Variants in FLT1 observed in about 807,000 individuals in gnomAD.
FLT1 encodes fms related receptor tyrosine kinase 1, also known as vascular endothelial growth factor receptor 1.
FLT1 carries 49 observed loss-of-function variants against 156.3 expected under a neutral mutation model. That is an observed-to-expected ratio of 0.31 (90% CI 0.25 to 0.40). FLT1 has a LOEUF of 0.40. FLT1 is among the 10% of genes least tolerant of loss of function. FLT1 has a pLI of 1.00. For synonymous variants in FLT1, 594 were observed against 583.8 expected, an observed-to-expected ratio of 1.02 and a Z score of -0.25; for missense variants, 1,322 against 1,637.2, an observed-to-expected ratio of 0.81 and a Z score of 3.32.
At chr13:28,463,883 C>A (rs1159933708) in intron 3 of FLT1, among the ~76,000 whole-genome samples, 1 of 152,130 alleles carries the variant, frequency 6.6e-6, no homozygotes, top group Non-Finnish European at 1.5e-5. Flanking sequence ...ATCACAGCTA[C>A]CTTGGACTTT....
At chr13:28,494,408 G>A (rs1881638348) in intron 1 of FLT1, among the ~76,000 whole-genome samples, 1 of 152,202 alleles carries the variant, frequency 6.6e-6, no homozygotes, top group African/African-American at 2.4e-5. Flanking sequence ...CTGGGAATGG[G>A]CTCTGGGTGC....
rs1476535905 is a variant in FLT1 at position 28,303,147 on chromosome 13, A to G, written c.*20T>C. ...TATAAATACACATGTGCTTCTAGAAATAAGGCTTCGTGTCAAACTCTAGAT... is the reference window on the plus strand; with the variant it reads ...TATAAATACACATGTGCTTCTAGAAGTAAGGCTTCGTGTCAAACTCTAGAT... On this transcript the variant is annotated 3_prime_UTR_variant, in exon 30 of 30. Transcript: ENST00000282397. 2 of 1,603,488 alleles carry G rather than the reference A, an allele frequency of 1.2e-6. No individual in the cohort carries two copies. Among genetic ancestry groups the G allele is most frequent in the Non-Finnish European group, 8.5e-7 (1 of 1,178,050 alleles).
rs553780400 is a variant in FLT1, at chr13:28,365,359, C to T, written c.2117-7674G>A. Among the ~76,000 whole-genome samples, 1,138 of 145,104 alleles carry T rather than the reference C, an allele frequency of 7.8e-3. 14 individuals carry two copies. The highest frequency in any genetic ancestry group is 0.027 in the African/African-American group (1,072 of 39,942). ...CTTTAGAACTAACATGTAGAACTCC[C>T]TTTTTTTTTTTGAGGCGGAGTCTTG... On this transcript the variant is annotated intron_variant, in intron 14 of 29. Coordinates refer to ENST00000282397, the MANE Select transcript of FLT1 (RefSeq NM_002019.4).
chr13:28,397,851 A>C (rs1875160000), intron 11 of FLT1, among the ~76,000 whole-genome samples: 1 of 151,858 alleles, frequency 6.6e-6, no homozygotes, highest in African/African-American at 2.4e-5. Flanking sequence ...GAAGATGAAA[A>C]TTTAAATTAT....
intron 1 of FLT1, among the ~76,000 whole-genome samples, chr13:28,469,140 C>T (rs1880012759): frequency 6.6e-6 from 1 of 152,156 alleles, no homozygotes; most frequent in African/African-American, 2.4e-5. Flanking sequence ...GATTAGCGTT[C>T]CTTAGGCGGG....
At chr13:28,334,806 A>G (rs1872055564) in intron 17 of FLT1, among the ~76,000 whole-genome samples, 1 of 152,200 alleles carries the variant, frequency 6.6e-6, no homozygotes, top group African/African-American at 2.4e-5. Flanking sequence ...CATGGTCCCC[A>G]TAATGCTATG....
At chr13:28,328,244 T>C (rs909714625) in intron 19 of FLT1, 6 of 152,396 alleles carry the variant, frequency 3.9e-5, no homozygotes, top group South Asian at 2.1e-4. Flanking sequence ...TTTTATTTTT[T>C]CCCCCAACTT....
chr13:28,359,657 CA>C (rs1247810648), intron 14 of FLT1, among the ~76,000 whole-genome samples: 1 of 152,018 alleles, frequency 6.6e-6, no homozygotes, highest in Non-Finnish European at 1.5e-5. Context: ...AGCCAATATC[CA>C]AAATATACAA....
chr13:28,493,084 A>C (rs1881557370), intron 1 of FLT1, among the ~76,000 whole-genome samples: 1 of 152,246 alleles, frequency 6.6e-6, no homozygotes, highest in Non-Finnish European at 1.5e-5. Context: ...ATTACAAAGA[A>C]AACGATGCTT....
chr13:28,317,695 C>G (rs1871262372), intron 24 of FLT1, 98 bp from the exon 25 acceptor site: 19 of 787,376 alleles, frequency 2.4e-5, no homozygotes, highest in Admixed American at 3.7e-5. Context: ...CCCTTTAAAG[C>G]TACGTTTTAG....
At chr13:28,306,606 T>C (rs1178301995) in intron 29 of FLT1, 72 bp downstream of exon 29, 1 of 1,070,930 alleles carries the variant, frequency 9.3e-7, no homozygotes, top group Non-Finnish European at 1.5e-6. Context: ...TCCCTCATTA[T>C]ACCACCTTCC....
chr13:28,420,263 CTG>C (rs150070198), intron 10 of FLT1, among the ~76,000 whole-genome samples: 3,878 of 152,276 alleles, frequency 0.025, 158 homozygotes, highest in African/African-American at 0.087. Flanking sequence ...TGAAAGCCTC[CTG>C]TATAAGATGG....
At position 28,435,223 on chromosome 13, in the gene FLT1, C is replaced by T. The variant is rs557850508; in HGVS notation, c.514-1003G>A. Among the ~76,000 whole-genome samples, 4 of 152,296 alleles carry T rather than the reference C, an allele frequency of 2.6e-5. No individual in the cohort carries two copies. The South Asian group carries it at 8.3e-4, about 32-fold the overall frequency. ...CAGAGACTCTGCAATGAATGAAGTGCTCTCTAATGCTCAGAAGTATTCCCA... is the reference window on the plus strand; with the variant it reads ...CAGAGACTCTGCAATGAATGAAGTGTTCTCTAATGCTCAGAAGTATTCCCA... On this transcript the variant is annotated intron_variant, in intron 4 of 29. Transcript: ENST00000282397.
intron 12 of FLT1, among the ~76,000 whole-genome samples, chr13:28,390,762 A>G (rs1156429286): frequency 1.3e-5 from 2 of 152,214 alleles, no homozygotes; most frequent in Admixed American, 6.5e-5. Flanking sequence ...AAGTGGGCAA[A>G]ATAGTGAAGT....
chr13:28,375,810 G>A (rs898787817), intron 14 of FLT1, among the ~76,000 whole-genome samples: 36 of 152,196 alleles, frequency 2.4e-4, no homozygotes, highest in African/African-American at 8.2e-4. Context: ...ACTGCTCTGC[G>A]CACACCCTGG....
At chr13:28,412,236 G>T (rs994167074) in intron 10 of FLT1, among the ~76,000 whole-genome samples, 3 of 152,188 alleles carry the variant, frequency 2.0e-5, no homozygotes, top group African/African-American at 7.2e-5. Context: ...ATTAGCGATT[G>T]TGTGTCTGAG....
intron 18 of FLT1, 102 bp downstream of exon 18, chr13:28,333,923 A>G (rs1470246684): frequency 3.6e-6 from 3 of 835,980 alleles, no homozygotes; most frequent in Non-Finnish European, 6.4e-6. Context: ...TCCAGAGCAG[A>G]AAAGCTTGTG....
intron 1 of FLT1, among the ~76,000 whole-genome samples, chr13:28,485,880 A>G (rs1034825888): frequency 1.3e-5 from 2 of 152,240 alleles, no homozygotes; most frequent in Non-Finnish European, 2.9e-5. Context: ...CCAAGGACCC[A>G]GTGGAAATGC....
intron 14 of FLT1, among the ~76,000 whole-genome samples, chr13:28,361,933 A>T (rs528168100): frequency 7.2e-5 from 11 of 152,334 alleles, no homozygotes; most frequent in African/African-American, 2.2e-4. Flanking sequence ...AGCGACATTT[A>T]AGGACGTTCA....
Sources: allele counts gnomAD v4.1 joint callset (sites outside exome capture counted in the v4.1 genomes callset), GRCh38; gene constraint gnomAD v4.1.1; transcripts MANE v1.5; gene names NCBI Gene and HGNC (gene_info 2026-07-23, HGNC 2026-07-21).